The following HSPA9 variants were observed in gnomAD, a reference collection of about 807,000 sequenced individuals.
HSPA9 encodes stress-70 protein, mitochondrial.
A neutral mutation model predicts 81.5 loss-of-function variants in HSPA9; 28 were observed. That is an observed-to-expected ratio of 0.34 (90% CI 0.25 to 0.47). The LOEUF is 0.47. Among genes scored for constraint, HSPA9 ranks in the 20% least tolerant of loss-of-function variants. HSPA9 has a pLI of 1.00. For missense variants in HSPA9, 678 were observed against 838.0 expected, an observed-to-expected ratio of 0.81 and a Z score of 2.36; for synonymous variants, 293 against 290.4, an observed-to-expected ratio of 1.01 and a Z score of -0.09.
chr5:138,556,763 A>C lies in HSPA9; in HGVS notation c.1821+11T>G. The C allele has an allele frequency of 6.2e-7, 1 of 1,607,286 alleles. No homozygotes were observed. ...GTTCAACCTCTTGAGTTACTTTAAA[A>C]TAGAACTCACCTCATCAGCAGGTAA... On this transcript the variant is annotated intron_variant, in intron 15 of 16. Coordinates refer to ENST00000297185, the MANE Select transcript of HSPA9 (RefSeq NM_004134.7).
chr5:138,570,907 G>C, intron 4 of HSPA9, 53 bp downstream of exon 4: 1 of 1,464,964 alleles, frequency 6.8e-7, no homozygotes, highest in Non-Finnish European at 9.6e-7. Context: ...AGGCTCTTCT[G>C]TGTGGCCCTT....
At chr5:138,572,410 T>C (rs1300767222) in intron 3 of HSPA9, among the ~76,000 whole-genome samples, 1 of 152,202 alleles carries the variant, frequency 6.6e-6, no homozygotes, top group Admixed American at 6.5e-5. Context: ...GTTTGGTTAC[T>C]CTGGTAACCA....
intron 1 of HSPA9, 43 bp from the exon 2 acceptor site, chr5:138,574,169 C>A: frequency 6.9e-7 from 1 of 1,454,324 alleles, no homozygotes; most frequent in East Asian, 2.3e-5. Flanking sequence ...CAGTGTGTAT[C>A]CTGGGAGGAA....
At chr5:138,565,019 C>T (rs562679479) in intron 9 of HSPA9, among the ~76,000 whole-genome samples, 1 of 152,296 alleles carries the variant, frequency 6.6e-6, no homozygotes, top group South Asian at 2.1e-4. Context: ...ATATAATCTG[C>T]ATGAGGGTAA....
At position 138,556,208 on chromosome 5, in the gene HSPA9, C is replaced by T. The variant is rs878935051; in HGVS notation, c.1963-94G>A. ...TCCAAGATGAGGGACCCACATATGTCCTCATCATTCATTTCTATTCCACTC... is the reference window on the plus strand; with the variant it reads ...TCCAAGATGAGGGACCCACATATGTTCTCATCATTCATTTCTATTCCACTC... On this transcript the variant is annotated intron_variant, in intron 16 of 16. Transcript: ENST00000297185. 7 of 1,092,438 alleles carry T rather than the reference C, an allele frequency of 6.4e-6. No individual in the cohort carries two copies. The South Asian group carries it at 7.4e-5, about 12-fold the overall frequency. The allele number at this position is 1,092,438 out of a possible 1,614,324, so 67.7% of individuals were successfully genotyped here.
At position 138,557,893 on chromosome 5, in the gene HSPA9, T is replaced by C; in HGVS notation, c.1609A>G (p.Lys537Glu). The change falls in exon 13 of 17, where the codon AAA becomes GAA. Residue 537 changes from lysine (K) to glutamate (E), a missense_variant. Around this residue, in one of 4 missense-constraint regions of HSPA9, gnomAD observed 484 missense variants for 647.5 expected, o/e 0.75. Coordinates refer to ENST00000297185, the MANE Select transcript of HSPA9 (RefSeq NM_004134.7). ...NGIVHVSAKD[K>E]GTGREQQIVI... ...CTCTGCTGCTCACGTCCTGTGCCTTTATCTTTAGCAGAAACATGTACTATC... is the reference window on the plus strand; with the variant it reads ...CTCTGCTGCTCACGTCCTGTGCCTTCATCTTTAGCAGAAACATGTACTATC... 6 of 1,610,180 alleles carry C rather than the reference T, an allele frequency of 3.7e-6. No homozygotes were observed. Among genetic ancestry groups the C allele is most frequent in the Non-Finnish European group, 5.1e-6 (6 of 1,178,154 alleles).
rs369702786 is a variant in HSPA9, at chr5:138,567,496, A to C, written c.675T>G (p.Ala225=). The C allele has an allele frequency of 4.3e-6, 7 of 1,614,062 alleles. No homozygotes were observed. Among genetic ancestry groups the C allele is most frequent in the Non-Finnish European group, 5.9e-6 (7 of 1,179,976 alleles). The change falls in exon 7 of 17, where the codon GCT becomes GCG. Residue 225 remains alanine (A), a synonymous_variant. Coordinates refer to ENST00000297185, the MANE Select transcript of HSPA9 (RefSeq NM_004134.7). ...NVLRVINEPT[A]AALAYGLDKS... is the part of the protein sequence containing the mutation. ...TGTCTAGACCATAGGCAAGAGCAGC[A>C]GCTGTGGGCTCATTAATCACCCGAA...
At chr5:138,573,991 A>T (rs1013583049) in intron 2 of HSPA9, 77 bp downstream of exon 2, 49 of 1,293,416 alleles carry the variant, frequency 3.8e-5, no homozygotes, top group Non-Finnish European at 5.4e-5. Flanking sequence ...TACAGAGAAG[A>T]ATAATCACAA....
intron 3 of HSPA9, among the ~76,000 whole-genome samples, chr5:138,571,559 A>C (rs546662955): frequency 1.3e-5 from 2 of 152,110 alleles, no homozygotes; most frequent in African/African-American, 4.8e-5. Flanking sequence ...GCACATCAAC[A>C]ATACTACCGG....
chr5:138,568,523 A>T (rs1418043875), intron 5 of HSPA9, among the ~76,000 whole-genome samples: 1 of 152,130 alleles, frequency 6.6e-6, no homozygotes, highest in Non-Finnish European at 1.5e-5. Context: ...ACAACAACAA[A>T]AAAACCCCAA....
chr5:138,556,179 G>A, intron 16 of HSPA9, 65 bp from the exon 17 acceptor site: 4 of 1,355,708 alleles, frequency 3.0e-6, no homozygotes, highest in Non-Finnish European at 4.2e-6. Flanking sequence ...GCTCTTTGTT[G>A]CACTCCAAGA....
At chr5:138,560,564 CTTTTT>C (rs34922898) in intron 10 of HSPA9, among the ~76,000 whole-genome samples, 15 of 135,060 alleles carry the variant, frequency 1.1e-4, no homozygotes, top group African/African-American at 3.7e-4. Flanking sequence ...TTTTCTTCTT[CTTTTT>C]TTTTTTTTTG....
rs760801530 is a variant in HSPA9 at position 138,568,952 on chromosome 5, C to T, written c.508G>A (p.Val170Met). The T allele has an allele frequency of 6.2e-7, 1 of 1,614,034 alleles. No homozygotes were observed. The highest frequency in any genetic ancestry group is 8.5e-7 in the Non-Finnish European group (1 of 1,179,920). ...GCAGTCTCTTTCATCTTCATCAACA[C>T]AAATGCTCCAATCTGACTCGGAGAA... Reference protein sequence around the residue: ...LYSPSQIGAFVLMKMKETAEN... With the variant: ...LYSPSQIGAFMLMKMKETAEN... The change falls in exon 5 of 17, where the codon GTG becomes ATG. Residue 170 changes from valine (V) to methionine (M), a missense_variant. Coordinates refer to ENST00000297185, the MANE Select transcript of HSPA9 (RefSeq NM_004134.7).
chr5:138,573,680 G>C (rs1561862765), intron 3 of HSPA9, 83 bp downstream of exon 3: 1 of 508,240 alleles, frequency 2.0e-6, no homozygotes. Flanking sequence ...CGCAAATCAG[G>C]TTCTCAAATT....
intron 10 of HSPA9, chr5:138,561,029 A>C (rs1164627922): frequency 1.6e-5 from 8 of 492,896 alleles, no homozygotes; most frequent in Middle Eastern, 3.2e-4. Context: ...GAAGAACTGC[A>C]TCTTCAACAG....
intron 1 of HSPA9, 72 bp from the exon 2 acceptor site, chr5:138,574,198 C>A (rs773949641): frequency 1.9e-6 from 2 of 1,037,520 alleles, no homozygotes; most frequent in East Asian, 4.7e-5. Flanking sequence ...AACTTGGGCT[C>A]ACTTAGTATA....
intron 9 of HSPA9, among the ~76,000 whole-genome samples, chr5:138,562,645 T>C (rs1750686092): frequency 6.6e-6 from 1 of 152,176 alleles, no homozygotes; most frequent in Non-Finnish European, 1.5e-5. Context: ...ATGCAGCAGA[T>C]AAGCAGGAAA....
chr5:138,572,211 A>C (rs1750920923), intron 3 of HSPA9, among the ~76,000 whole-genome samples: 1 of 152,098 alleles, frequency 6.6e-6, no homozygotes, highest in Non-Finnish European at 1.5e-5. Flanking sequence ...TTGGGATTAC[A>C]GGCATGACCC....
chr5:138,566,188 C>CAA (rs1186233815), intron 9 of HSPA9, among the ~76,000 whole-genome samples: 71 of 59,684 alleles, frequency 1.2e-3, no homozygotes, highest in African/African-American at 3.2e-3. Flanking sequence ...AACTCTGTCT[C>CAA]AAAAAAAAAA....
Sources: gnomAD v4.1 joint callset for allele counts (sites outside exome capture counted in the v4.1 genomes callset) on GRCh38, gnomAD v4.1.1 for gene constraint, gnomAD v4.1.1 regional missense constraint, MANE v1.5 for transcripts, NCBI Gene and HGNC (gene_info 2026-07-23, HGNC 2026-07-21) for gene names.